The following LRP1B variants were observed in gnomAD, a reference collection of about 807,000 sequenced individuals.
The protein encoded by LRP1B is LDL receptor related protein 1B.
Under a neutral mutation model 556.6 loss-of-function variants are expected in LRP1B, and 217 were observed. That is an observed-to-expected ratio of 0.39 (90% CI 0.35 to 0.44). The LOEUF is 0.44. Among genes scored for constraint, LRP1B ranks in the 20% least tolerant of loss-of-function variants. LRP1B has a pLI of 1.00. For synonymous variants in LRP1B, 2,047 were observed against 1,865.8 expected (o/e 1.10, Z -2.50); for missense variants, 5,053 against 5,620.8 (o/e 0.90, Z 3.23).
chr2:141,017,769 C>T (rs539183991), intron 12 of LRP1B, among the ~76,000 whole-genome samples: 50 of 151,516 alleles, frequency 3.3e-4, no homozygotes, highest in African/African-American at 1.1e-3. Context: ...CTGAGGCAAG[C>T]GAATTGCTTG....
rs529886437 is a variant in LRP1B at position 141,827,933 on chromosome 2, C to A, written c.83-17532G>T. Among the ~76,000 whole-genome samples the A allele has an allele frequency of 5.3e-5, 8 of 151,996 alleles. No individual in the cohort carries two copies. In the East Asian group the frequency reaches 1.6e-3, roughly 29 times the overall value. On this transcript the variant is annotated intron_variant, in intron 1 of 90. Coordinates refer to ENST00000389484, the MANE Select transcript of LRP1B (RefSeq NM_018557.3). ...CCCTTCTCATATGACTAATGCCACA[C>A]AGAAGAAATTCTACATGAGGAATCC... is the stretch of plus-strand genomic sequence containing the variant.
intron 6 of LRP1B, among the ~76,000 whole-genome samples, chr2:141,194,056 G>T (rs750119604): frequency 6.6e-6 from 1 of 151,946 alleles, no homozygotes; most frequent in Non-Finnish European, 1.5e-5. Context: ...CACTTTCATT[G>T]TCCAGTACAA....
At chr2:141,401,974 T>G (rs896038882) in intron 3 of LRP1B, among the ~76,000 whole-genome samples, 2 of 152,180 alleles carry the variant, frequency 1.3e-5, no homozygotes, top group African/African-American at 4.8e-5. Flanking sequence ...AACGCATCCT[T>G]CTTTTTGTAT....
chr2:141,020,636 A>C (rs1391171978), intron 11 of LRP1B, among the ~76,000 whole-genome samples: 1 of 151,996 alleles, frequency 6.6e-6, no homozygotes, highest in Non-Finnish European at 1.5e-5. Flanking sequence ...TCATCCCAGA[A>C]CTGCATCAAC....
chr2:141,043,245 A>C (rs1015289953), intron 11 of LRP1B, among the ~76,000 whole-genome samples: 3 of 149,586 alleles, frequency 2.0e-5, no homozygotes, highest in African/African-American at 7.4e-5. Flanking sequence ...TAAACAAATA[A>C]ATAAATAAAT....
At chr2:141,667,385 C>T (rs1056032320) in intron 2 of LRP1B, among the ~76,000 whole-genome samples, 17 of 152,050 alleles carry the variant, frequency 1.1e-4, no homozygotes, top group African/African-American at 3.9e-4. Flanking sequence ...CTTAAATATA[C>T]GTATATTTAA....
chr2:140,235,924 T>A (rs1680677636), intron 89 of LRP1B, among the ~76,000 whole-genome samples: 1 of 151,012 alleles, frequency 6.6e-6, no homozygotes, highest in Non-Finnish European at 1.5e-5. Flanking sequence ...CAGAACTCTA[T>A]TATTTGTCTT....
At chr2:141,748,659 G>T (rs1431617122) in intron 2 of LRP1B, among the ~76,000 whole-genome samples, 1 of 152,168 alleles carries the variant, frequency 6.6e-6, no homozygotes, top group Non-Finnish European at 1.5e-5. Context: ...CCTGGAACAA[G>T]TTCATATGTG....
At chr2:142,080,938 G>T (rs1337995993) in intron 1 of LRP1B, among the ~76,000 whole-genome samples, 1 of 152,140 alleles carries the variant, frequency 6.6e-6, no homozygotes, top group East Asian at 1.9e-4. Flanking sequence ...TTCTCAAGTG[G>T]CTACTTCCAG....
rs573398501 is a variant in LRP1B, at chr2:141,382,529, G to A, written c.343+97867C>T. Among the ~76,000 whole-genome samples the A allele has an allele frequency of 3.7e-4, 56 of 152,296 alleles. 1 individual carries two copies. The highest frequency in any genetic ancestry group is 2.9e-3 in the Admixed American group (44 of 15,296). ...AGCTCTAGTCTCTCTTACTGAAGTC[G>A]GGGACATAACCTGCCAGCGCAGAGG... is the stretch of plus-strand genomic sequence containing the variant. On this transcript the variant is annotated intron_variant, in intron 3 of 90. Coordinates refer to ENST00000389484, the MANE Select transcript of LRP1B (RefSeq NM_018557.3).
chr2:140,554,831 G>A (rs1680667896), intron 43 of LRP1B, among the ~76,000 whole-genome samples: 1 of 148,644 alleles, frequency 6.7e-6, no homozygotes, highest in African/African-American at 2.5e-5. Context: ...TTCTGCTGCT[G>A]CTGCTTCTTT....
At chr2:141,140,316 A>G (rs1349975303) in intron 7 of LRP1B, among the ~76,000 whole-genome samples, 3 of 152,120 alleles carry the variant, frequency 2.0e-5, no homozygotes, top group Non-Finnish European at 4.4e-5. Context: ...TTGAACGTCA[A>G]TTATATAATA....
chr2:141,437,091 A>G (rs1365491106), intron 3 of LRP1B, among the ~76,000 whole-genome samples: 1 of 152,132 alleles, frequency 6.6e-6, no homozygotes, highest in Non-Finnish European at 1.5e-5. Context: ...ACTAAAGCAC[A>G]CCCAGGCTAT....
At chr2:140,389,642 A>G (rs57938125) in intron 66 of LRP1B, among the ~76,000 whole-genome samples, 43,426 of 149,270 alleles carry the variant, frequency 0.29, 7,319 homozygotes, top group Non-Finnish European at 0.39. Context: ...AGAAATGCAG[A>G]TACATATCAT....
chr2:140,981,091 TG>T (rs755334910), intron 18 of LRP1B, among the ~76,000 whole-genome samples: 2 of 150,308 alleles, frequency 1.3e-5, no homozygotes, highest in Non-Finnish European at 3.0e-5. Flanking sequence ...GGGGACTTGG[TG>T]GGGGGAAAGC....
At chr2:140,394,532 G>A (rs577635551) in intron 66 of LRP1B, among the ~76,000 whole-genome samples, 26 of 152,202 alleles carry the variant, frequency 1.7e-4, no homozygotes, top group Non-Finnish European at 3.1e-4. Flanking sequence ...AGGGACAGAA[G>A]GGCAAAGGAA....
intron 7 of LRP1B, among the ~76,000 whole-genome samples, chr2:141,151,901 A>G (rs1381767791): frequency 6.6e-6 from 1 of 152,064 alleles, no homozygotes; most frequent in African/African-American, 2.4e-5. Flanking sequence ...GTGGAAGTTT[A>G]TAACTATGGC....
intron 3 of LRP1B, among the ~76,000 whole-genome samples, chr2:141,470,978 C>T (rs1402624645): frequency 1.3e-5 from 2 of 152,100 alleles, no homozygotes; most frequent in Admixed American, 6.6e-5. Flanking sequence ...AAGGATTTTG[C>T]TTAATATGGC....
chr2:140,932,595 A>T (rs1695081251), intron 20 of LRP1B, among the ~76,000 whole-genome samples: 1 of 152,094 alleles, frequency 6.6e-6, no homozygotes, highest in Non-Finnish European at 1.5e-5. Flanking sequence ...ATAACAACCC[A>T]GGCACAGTGG....
Sources: allele counts gnomAD v4.1 joint callset (sites outside exome capture counted in the v4.1 genomes callset), GRCh38; gene constraint gnomAD v4.1.1; transcripts MANE v1.5; gene names NCBI Gene and HGNC (gene_info 2026-07-23, HGNC 2026-07-21).